MDFI: variants seen among roughly 807,000 people sequenced by gnomAD.
MDFI encodes MyoD family inhibitor, also known as inhibitor of MyoD family a.
A neutral mutation model predicts 22.3 loss-of-function variants in MDFI; 16 were observed. That is an observed-to-expected ratio of 0.72 (90% confidence interval 0.49 to 1.09). MDFI has a LOEUF of 1.09. Ranked by LOEUF, MDFI falls within the 50% of genes least tolerant of loss-of-function variation. The probability of loss-of-function intolerance (pLI) is 0.00; values close to 1 mark genes in which losing one functional copy is unlikely to be tolerated. For synonymous variants in MDFI, 145 were observed against 142.7 expected (o/e 1.02, Z -0.12); for missense variants, 314 against 326.1 (o/e 0.96, Z 0.29).
rs1056077245 is a variant in MDFI at position 41,638,663 on chromosome 6, G to A, written c.-12+11G>A. On this transcript the variant is annotated intron_variant, in intron 1 of 4. Transcript: ENST00000230321. This position sits in a 1 kb window ranked among gnomAD's most constrained non-coding sequence, Gnocchi z 7.6. ...GCACGGCTCGCACGAGTGAGTGGAC[G>A]TGGGAGGCGCGCATCTGCGGGGGAA... 5 of 1,405,158 alleles carry A rather than the reference G, an allele frequency of 3.6e-6. No individual in the cohort carries two copies. In the African/African-American group the frequency reaches 5.7e-5, roughly 16 times the overall value. 87.0% of individuals were successfully genotyped at this position (1,405,158 alleles called of 1,614,324 possible).
rs1053500115 is a variant in MDFI, at chr6:41,653,975, G to A, written c.*400G>A. On this transcript the variant is annotated 3_prime_UTR_variant, in exon 5 of 5. Transcript: ENST00000230321. The surrounding 1 kb of genome is among the most constrained non-coding windows in gnomAD (Gnocchi z 4.2). ...AGCTCTCTACCTCTCCCTGCTCCTG[G>A]TGCCTGCCTCTCTCCTCCACCCCAG... The A allele has an allele frequency of 3.9e-6, 1 of 255,898 alleles. No homozygotes were observed. Among genetic ancestry groups the A allele is most frequent in the Non-Finnish European group, 7.6e-6 (1 of 131,936 alleles). 15.9% of individuals were successfully genotyped at this position (255,898 alleles called of 1,614,324 possible).
chr6:41,649,411 C>G (rs1768174033), intron 3 of MDFI, among the ~76,000 whole-genome samples: 2 of 152,214 alleles, frequency 1.3e-5, no homozygotes, highest in African/African-American at 4.8e-5. Flanking sequence ...AACTGAGAGT[C>G]AGGAGCTAGG....
At chr6:41,646,052 T>G (rs1768037942) in intron 2 of MDFI, 74 bp from the exon 3 acceptor site, 1 of 1,328,108 alleles carries the variant, frequency 7.5e-7, no homozygotes, top group South Asian at 1.7e-5. Context: ...TGCTGGGCTG[T>G]GGGGCGGGGC....
chr6:41,644,802 A>G (rs1220990797), intron 2 of MDFI, among the ~76,000 whole-genome samples: 1 of 146,830 alleles, frequency 6.8e-6, no homozygotes, highest in Admixed American at 6.7e-5. Flanking sequence ...TCCCAAGACT[A>G]CCCTGTGTCT....
In MDFI at chr6:41,646,401, G is replaced by A. The variant is rs774886721; in HGVS notation, c.259+93G>A. On this transcript the variant is annotated intron_variant, in intron 3 of 4. Transcript: ENST00000230321. ...TGGGTCGGCAAAAATGGGTGCACCC[G>A]CTTGGCCAGAACCTTGAGTGTGGCA... is the stretch of plus-strand genomic sequence containing the variant. 10 of 1,165,388 alleles carry A rather than the reference G, an allele frequency of 8.6e-6. No homozygotes were observed. The East Asian group carries it at 1.6e-4, about 18-fold the overall frequency. The allele number at this position is 1,165,388 out of a possible 1,614,324, so 72.2% of individuals were successfully genotyped here.
At chr6:41,652,401 C>T (rs563714308) in intron 4 of MDFI, among the ~76,000 whole-genome samples, 41 of 152,228 alleles carry the variant, frequency 2.7e-4, no homozygotes, top group African/African-American at 6.5e-4. Context: ...TTATCACAAG[C>T]GACATGTGAA....
chr6:41,642,396 C>T (rs1767884271), intron 2 of MDFI, among the ~76,000 whole-genome samples: 1 of 152,198 alleles, frequency 6.6e-6, no homozygotes, highest in Non-Finnish European at 1.5e-5. Context: ...AGAAGTTTCT[C>T]CCCTGAGATG....
chr6:41,638,619 C>T lies in MDFI; in HGVS notation c.-45C>T, dbSNP rs569596149. ...CGCATGGCGGGCCCCGCGCGGGGAT[C>T]CGGCTGGAAGAGAGCGTAGCACGGC... On this transcript the variant is annotated 5_prime_UTR_variant, in exon 1 of 5. Transcript: ENST00000230321. The surrounding 1 kb of genome is among the most constrained non-coding windows in gnomAD (Gnocchi z 7.6). 2.5e-4 allele frequency: 271 copies of T among 1,105,038 alleles called. No homozygotes were observed. The African/African-American group carries it at 3.7e-3, about 15-fold the overall frequency. 68.5% of individuals were successfully genotyped at this position (1,105,038 alleles called of 1,614,324 possible). A position where few individuals can be genotyped will look rare whatever the true frequency, so the allele number is the denominator to read the frequency against.
Position 41,638,772 on chromosome 6 carries a change from G to A in MDFI, c.23G>A (p.Arg8His). The A allele has an allele frequency of 6.4e-7, 1 of 1,570,906 alleles. No individual in the cohort carries two copies. Residue 8 changes from arginine to histidine, a missense_variant, in exon 2 of 5, where the codon CGC becomes CAC. Physicochemically the swap from Arg to His is conservative, Grantham distance 29. Coordinates refer to ENST00000230321, the MANE Select transcript of MDFI (RefSeq NM_005586.4). The surrounding 1 kb of genome is among the most constrained non-coding windows in gnomAD (Gnocchi z 7.6). MYQVSGQ[R>H]PSGCDAPYGA... The stretch of plus-strand genomic sequence containing the variant: ...CCGATGTACCAGGTGAGCGGCCAGC[G>A]CCCCTCTGGCTGCGACGCGCCCTAT...
chr6:41,653,249 C>T lies in MDFI; in HGVS notation c.485-70C>T. Reference sequence around the variant, plus strand: ...CTGCCGCTGCCGCAGGCCCCCACACCCCCGGCTATTTCACACACGCTCATC... The same window carrying T: ...CTGCCGCTGCCGCAGGCCCCCACACTCCCGGCTATTTCACACACGCTCATC... On this transcript the variant is annotated intron_variant, in intron 4 of 4. Transcript: ENST00000230321. This position sits in a 1 kb window ranked among gnomAD's most constrained non-coding sequence, Gnocchi z 4.2. 1 of 1,537,150 alleles carries T rather than the reference C, an allele frequency of 6.5e-7. No individual in the cohort carries two copies. Among genetic ancestry groups the T allele is most frequent in the Non-Finnish European group, 8.9e-7 (1 of 1,128,820 alleles).
rs926540707 is a variant in MDFI, at chr6:41,653,815, G to A, written c.*240G>A. Reference sequence around the variant, plus strand: ...GCAGAGAAGCCTGAACTCTTTACTGGGTTACCAGGTTCATACATTGCTGAG... The same window carrying A: ...GCAGAGAAGCCTGAACTCTTTACTGAGTTACCAGGTTCATACATTGCTGAG... On this transcript the variant is annotated 3_prime_UTR_variant, in exon 5 of 5. Coordinates refer to ENST00000230321, the MANE Select transcript of MDFI (RefSeq NM_005586.4). The surrounding 1 kb of genome is among the most constrained non-coding windows in gnomAD (Gnocchi z 4.2). 6.7e-6 allele frequency: 4 copies of A among 595,886 alleles called. No individual in the cohort carries two copies. In the African/African-American group the frequency reaches 7.4e-5, roughly 11 times the overall value. 36.9% of individuals were successfully genotyped at this position (595,886 alleles called of 1,614,324 possible). A position where few individuals can be genotyped will look rare whatever the true frequency, so the allele number is the denominator to read the frequency against.
chr6:41,641,621 C>CT (rs1355230050), intron 2 of MDFI, among the ~76,000 whole-genome samples: 1 of 152,216 alleles, frequency 6.6e-6, no homozygotes, highest in Non-Finnish European at 1.5e-5. Flanking sequence ...CCACCACTCT[C>CT]TGACCATATG....
chr6:41,639,704 ACTGT>A, intron 2 of MDFI: 1 of 985,356 alleles, frequency 1.0e-6, no homozygotes, highest in Non-Finnish European at 1.2e-6. Context: ...TGGAATCTCC[ACTGT>A]CTAAGTCGTT....
At chr6:41,647,351 T>TCAG (rs986729988) in intron 3 of MDFI, among the ~76,000 whole-genome samples, 3 of 152,174 alleles carry the variant, frequency 2.0e-5, no homozygotes, top group African/African-American at 7.2e-5. Context: ...CCCAGATCCT[T>TCAG]CAGCTCACCA....
In MDFI at chr6:41,649,662, G is replaced by T. The variant is rs151018719; in HGVS notation, c.303G>T (p.Pro101=). The T allele has an allele frequency of 1.2e-6, 2 of 1,612,434 alleles. No homozygotes were observed. The highest frequency in any genetic ancestry group is 2.2e-5 in the South Asian group (2 of 90,974). Residue 101 remains proline, a synonymous_variant, in exon 4 of 5, where the codon CCG becomes CCT. Coordinates refer to ENST00000230321, the MANE Select transcript of MDFI (RefSeq NM_005586.4). ...CCTTGGGCTGCACCCCACTTCTGCCGAATGACTCTGGCCACCCCTCAGAGC... is the reference window on the plus strand; with the variant it reads ...CCTTGGGCTGCACCCCACTTCTGCCTAATGACTCTGGCCACCCCTCAGAGC... ...GNPLGCTPLL[P]NDSGHPSELG...
chr6:41,649,489 C>A, intron 3 of MDFI, 130 bp from the exon 4 acceptor site: 2 of 805,946 alleles, frequency 2.5e-6, no homozygotes, highest in African/African-American at 1.7e-5. Flanking sequence ...GTTTCCCCAT[C>A]TGCAGGATAC....
chr6:41,648,122 T>C (rs1048685369), intron 3 of MDFI, among the ~76,000 whole-genome samples: 5 of 151,408 alleles, frequency 3.3e-5, no homozygotes, highest in African/African-American at 4.9e-5. Context: ...ACACCAGTTA[T>C]GAGGGTAGTG....
At chr6:41,646,918 C>A (rs903292935) in intron 3 of MDFI, among the ~76,000 whole-genome samples, 1 of 152,214 alleles carries the variant, frequency 6.6e-6, no homozygotes, top group African/African-American at 2.4e-5. Flanking sequence ...AATCAGCCTG[C>A]AATGAGGCAG....
In MDFI at chr6:41,638,925, G is replaced by A. The variant is rs1581823345; in HGVS notation, c.76+100G>A. 8 of 1,292,584 alleles carry A rather than the reference G, an allele frequency of 6.2e-6. No homozygotes were observed. The East Asian group carries it at 1.9e-4, about 30-fold the overall frequency. The allele number at this position is 1,292,584 out of a possible 1,614,324, so 80.1% of individuals were successfully genotyped here. ...CTCCGTCCCCAGACGCGGGGAGACC[G>A]TTCCAGGGAGCTTGGTGGGGGTAGG... On this transcript the variant is annotated intron_variant, in intron 2 of 4. Transcript: ENST00000230321. The surrounding 1 kb of genome is among the most constrained non-coding windows in gnomAD (Gnocchi z 7.6).
Sources: gnomAD v4.1 joint callset for allele counts (sites outside exome capture counted in the v4.1 genomes callset) on GRCh38, gnomAD v4.1.1 for gene constraint, Gnocchi (gnomAD v3.1) non-coding constraint, MANE v1.5 for transcripts, NCBI Gene and HGNC (gene_info 2026-07-23, HGNC 2026-07-21) for gene names.